MDGA2: variants seen among roughly 807,000 people sequenced by gnomAD.
MDGA2 encodes MAM domain-containing glycosylphosphatidylinositol anchor protein 2.
Under a neutral mutation model 117.8 loss-of-function variants are expected in MDGA2, and 40 were observed. That is an observed-to-expected ratio of 0.34 (90% CI 0.26 to 0.44). MDGA2 has a LOEUF of 0.44. MDGA2 is among the 20% of genes least tolerant of loss of function. The pLI is 1.00. For missense variants in MDGA2, 1,123 were observed against 1,250.6 expected (o/e 0.90, Z 1.54); for synonymous variants, 452 against 439.0 (o/e 1.03, Z -0.37).
At chr14:47,226,978 T>C (rs1464109446) in intron 2 of MDGA2, among the ~76,000 whole-genome samples, 2 of 152,112 alleles carry the variant, frequency 1.3e-5, no homozygotes, top group Non-Finnish European at 2.9e-5. Flanking sequence ...CCTCCAGATA[T>C]CATTTTTTTA....
intron 3 of MDGA2, among the ~76,000 whole-genome samples, chr14:47,201,279 T>C (rs1414223955): frequency 6.6e-6 from 1 of 152,172 alleles, no homozygotes; most frequent in African/African-American, 2.4e-5. Context: ...CCATCCTCAC[T>C]AACTCCATAT....
At chr14:47,083,208 A>G (rs1890772048) in intron 6 of MDGA2, among the ~76,000 whole-genome samples, 1 of 152,002 alleles carries the variant, frequency 6.6e-6, no homozygotes, top group African/African-American at 2.4e-5. Context: ...TGTAACTGTA[A>G]TCCACATATT....
At chr14:46,871,730 A>G (rs1882006645) in intron 14 of MDGA2, 1 of 160,216 alleles carries the variant, frequency 6.2e-6, no homozygotes. Flanking sequence ...TTCTCATTTT[A>G]CAGATAAGGA....
intron 1 of MDGA2, among the ~76,000 whole-genome samples, chr14:47,366,579 C>T (rs564636534): frequency 6.6e-5 from 10 of 152,148 alleles, no homozygotes; most frequent in African/African-American, 2.4e-4. Context: ...TCAGTAAGTG[C>T]TCTACTAATC....
chr14:47,298,877 A>G (rs147798426), intron 2 of MDGA2, among the ~76,000 whole-genome samples: 6,344 of 151,766 alleles, frequency 0.042, 185 homozygotes, highest in Middle Eastern at 0.065. Flanking sequence ...TAGTAGAGAC[A>G]GGGTTTCACC....
chr14:47,132,570 T>A (rs1000883904), intron 4 of MDGA2, among the ~76,000 whole-genome samples: 1 of 151,852 alleles, frequency 6.6e-6, no homozygotes, highest in African/African-American at 2.4e-5. Flanking sequence ...CAAGAAAGAC[T>A]TTGTAAAAAC....
At chr14:46,859,270 C>T (rs1311960283) in intron 14 of MDGA2, among the ~76,000 whole-genome samples, 1 of 152,178 alleles carries the variant, frequency 6.6e-6, no homozygotes, top group African/African-American at 2.4e-5. Context: ...GCTCTCCTCT[C>T]AGGTCTCCTT....
intron 7 of MDGA2, chr14:47,059,282 C>T (rs1179717428): frequency 8.0e-7 from 1 of 1,248,124 alleles, no homozygotes; most frequent in Non-Finnish European, 1.1e-6. Context: ...AGCTTCCATT[C>T]TATGGAGAAA....
At chr14:46,894,068 G>A (rs1017317477) in intron 10 of MDGA2, among the ~76,000 whole-genome samples, 3 of 151,996 alleles carry the variant, frequency 2.0e-5, no homozygotes, top group South Asian at 2.1e-4. Flanking sequence ...TAAGAAAAAC[G>A]AAAAGTAGTA....
intron 2 of MDGA2, among the ~76,000 whole-genome samples, chr14:47,283,113 A>G (rs1358918454): frequency 6.6e-6 from 1 of 152,226 alleles, no homozygotes; most frequent in Non-Finnish European, 1.5e-5. Context: ...CAAATATTGA[A>G]TGCTTATTTT....
At chr14:47,399,475 G>C (rs1029760719) in intron 1 of MDGA2, among the ~76,000 whole-genome samples, 1 of 152,180 alleles carries the variant, frequency 6.6e-6, no homozygotes, top group South Asian at 2.1e-4. Flanking sequence ...AGCTACTGCT[G>C]CTTCATTATC....
intron 8 of MDGA2, among the ~76,000 whole-genome samples, chr14:46,986,205 T>C (rs1886853876): frequency 6.6e-6 from 1 of 152,010 alleles, no homozygotes; most frequent in South Asian, 2.1e-4. Flanking sequence ...ATGGCACAAA[T>C]ATATCAATTG....
At chr14:47,557,433 T>C (rs1431904412) in intron 1 of MDGA2, among the ~76,000 whole-genome samples, 2 of 152,196 alleles carry the variant, frequency 1.3e-5, no homozygotes, top group East Asian at 3.9e-4. Context: ...GGTTCTACAG[T>C]TCCTTAGGTC....
At chr14:47,184,837 G>A (rs1438857283) in intron 3 of MDGA2, among the ~76,000 whole-genome samples, 1 of 151,490 alleles carries the variant, frequency 6.6e-6, no homozygotes, top group Admixed American at 6.6e-5. Context: ...CTGAGACACT[G>A]ATTAATGTTT....
At chr14:47,474,249 A>G (rs779407932) in intron 1 of MDGA2, among the ~76,000 whole-genome samples, 26 of 152,192 alleles carry the variant, frequency 1.7e-4, no homozygotes, top group Non-Finnish European at 3.4e-4. Flanking sequence ...CAAAGAGAAT[A>G]AAATACCTAG....
intron 2 of MDGA2, among the ~76,000 whole-genome samples, chr14:47,238,148 T>C (rs578055990): frequency 7.2e-5 from 11 of 152,318 alleles, no homozygotes; most frequent in East Asian, 1.9e-4. Flanking sequence ...TGTCATTTCA[T>C]TGGAGTAGGC....
rs1340175456 is a variant in MDGA2 at position 46,969,601 on chromosome 14, G to T, written c.1820-11958C>A. Among the ~76,000 whole-genome samples the T allele has an allele frequency of 1.2e-4, 18 of 151,458 alleles. 1 individual carries two copies. In the South Asian group the frequency reaches 3.1e-3, roughly 26 times the overall value. On this transcript the variant is annotated intron_variant, in intron 8 of 16. Coordinates refer to ENST00000399232, the MANE Select transcript of MDGA2 (RefSeq NM_001113498.3). Reference sequence around the variant, plus strand: ...CACCCACTTGTTGATGGGGTTGTTTGTTTTTTTCTTGTAAATTTGTTTGAG... The same window carrying T: ...CACCCACTTGTTGATGGGGTTGTTTTTTTTTTTCTTGTAAATTTGTTTGAG...
At chr14:47,012,058 T>A (rs993727342) in intron 8 of MDGA2, among the ~76,000 whole-genome samples, 1 of 152,014 alleles carries the variant, frequency 6.6e-6, no homozygotes, top group African/African-American at 2.4e-5. Flanking sequence ...GATGATTTCC[T>A]CAATCTCCAT....
intron 7 of MDGA2, among the ~76,000 whole-genome samples, chr14:47,039,736 T>C (rs1594555310): frequency 1.3e-5 from 2 of 152,324 alleles, no homozygotes; most frequent in Admixed American, 1.3e-4. Context: ...GATGATGTAA[T>C]AGACCTATAT....
Sources: allele counts gnomAD v4.1 joint callset (sites outside exome capture counted in the v4.1 genomes callset), GRCh38; gene constraint gnomAD v4.1.1; transcripts MANE v1.5; gene names NCBI Gene and HGNC (gene_info 2026-07-23, HGNC 2026-07-21).